MYO18B: variants seen among roughly 807,000 people sequenced by gnomAD.
MYO18B encodes myosin XVIIIB.
In MYO18B, 204 loss-of-function variants were observed where a neutral mutation model predicts 273.0. The observed-to-expected ratio is 0.75, with a 90% CI of 0.67 to 0.84. MYO18B has a LOEUF of 0.84. Among genes scored for constraint, MYO18B ranks in the 40% least tolerant of loss-of-function variants. The pLI is 0.00. For synonymous variants in MYO18B, 1,330 were observed against 1,305.7 expected (o/e 1.02, Z -0.40); for missense variants, 3,212 against 3,287.6 (o/e 0.98, Z 0.56).
intron 40 of MYO18B, among the ~76,000 whole-genome samples, chr22:26,002,175 C>G (rs1934020618): frequency 1.3e-5 from 2 of 152,162 alleles, no homozygotes; most frequent in South Asian, 2.1e-4. Flanking sequence ...AAATATTTAG[C>G]CTTTTCATGC....
chr22:25,888,418 C>T (rs1033695138), intron 25 of MYO18B, among the ~76,000 whole-genome samples: 6 of 152,078 alleles, frequency 3.9e-5, no homozygotes, highest in East Asian at 1.9e-4. Context: ...CACACCATCT[C>T]GGCTGGTTTA....
rs1254185926 is a variant in MYO18B at position 25,768,530 on chromosome 22, G to A, written c.614G>A (p.Ser205Asn). ...TSRTPCGSQA[S>N]TEILAPKAEK... ...AGGACTCCTTGTGGCTCCCAGGCCA[G>A]CACCGAGATCTTGGCCCCGAAAGCT... The change falls in exon 4 of 44, where the codon AGC becomes AAC. Residue 205 changes from serine (S) to asparagine (N), a missense_variant. Ser to Asn is a conservative substitution (Grantham distance 46). Transcript: ENST00000335473. 8.3e-6 allele frequency: 13 copies of A among 1,558,036 alleles called. No individual in the cohort carries two copies. The highest frequency in any genetic ancestry group is 1.7e-4 in the Middle Eastern group (1 of 5,772).
At chr22:26,052,324 C>T in the MYO18B span, among the ~76,000 whole-genome samples, 1 of 152,054 alleles carries the variant, frequency 6.6e-6, no homozygotes, top group African/African-American at 2.4e-5. Flanking sequence ...ATCTTCTTGT[C>T]GACTAAGAAA....
intron 42 of MYO18B, among the ~76,000 whole-genome samples, chr22:26,016,911 ATGTT>A (rs747423956): frequency 2.6e-5 from 4 of 152,142 alleles, no homozygotes; most frequent in African/African-American, 9.7e-5. Flanking sequence ...GTGAGTGAAA[ATGTT>A]TGTTTGTGTG....
chr22:25,890,910 A>G (rs1363833571), intron 26 of MYO18B, 35 bp downstream of exon 26: 2 of 1,605,148 alleles, frequency 1.2e-6, no homozygotes, highest in Non-Finnish European at 1.7e-6. Context: ...GTGGCTGAAC[A>G]CGGTGGCTAA....
chr22:25,826,650 C>T (rs868279269), intron 14 of MYO18B, among the ~76,000 whole-genome samples, 151 bp downstream of exon 14: 2 of 152,236 alleles, frequency 1.3e-5, no homozygotes, highest in Non-Finnish European at 2.9e-5. Flanking sequence ...ACCTTGGCCA[C>T]CCACTGGCTG....
intron 39 of MYO18B, among the ~76,000 whole-genome samples, chr22:25,968,714 G>A (rs1266773803): frequency 1.3e-5 from 2 of 151,996 alleles, no homozygotes; most frequent in Non-Finnish European, 2.9e-5. Flanking sequence ...AGGAAGTCTG[G>A]GTCCAAGCCA....
intron 39 of MYO18B, among the ~76,000 whole-genome samples, chr22:25,989,602 G>A (rs1351621281): frequency 3.5e-5 from 4 of 113,506 alleles, no homozygotes; most frequent in Non-Finnish European, 5.0e-5. Flanking sequence ...CTAACACGGT[G>A]AAACCCTGTC....
intron 14 of MYO18B, among the ~76,000 whole-genome samples, chr22:25,826,719 C>T (rs2089505732): frequency 2.0e-5 from 3 of 152,174 alleles, no homozygotes; most frequent in Non-Finnish European, 2.9e-5. Context: ...TACAATAGCT[C>T]TCTTCCCAAG....
intron 18 of MYO18B, 44 bp downstream of exon 18, chr22:25,843,938 C>T (rs764286880): frequency 7.2e-5 from 113 of 1,569,422 alleles, no homozygotes; most frequent in African/African-American, 9.5e-5. Context: ...GCATTGGAGG[C>T]ACTGTGTTTT....
intron 32 of MYO18B, among the ~76,000 whole-genome samples, chr22:25,910,744 C>G (rs963292480): frequency 1.3e-5 from 2 of 152,176 alleles, no homozygotes; most frequent in Non-Finnish European, 2.9e-5. Context: ...CATTGACCAG[C>G]CCTCCCTACT....
chr22:25,874,223 A>ACCC (rs781354352), intron 22 of MYO18B, 63 bp from the exon 23 acceptor site: 43,738 of 1,586,636 alleles, frequency 0.028, 483 homozygotes, highest in East Asian at 0.086. Flanking sequence ...ATTTGCAAGC[A>ACCC]CCCCCCCATT....
At chr22:26,034,255 G>A (rs17361758), downstream of MYO18B, among the ~76,000 whole-genome samples, 3,036 of 152,300 alleles carry the variant, frequency 0.02, 38 homozygotes, top group South Asian at 0.034. Flanking sequence ...AGCACCCGGC[G>A]TAGTAAGCGT....
chr22:25,983,919 T>C (rs2093174184), intron 39 of MYO18B, among the ~76,000 whole-genome samples: 1 of 152,192 alleles, frequency 6.6e-6, no homozygotes, highest in Admixed American at 6.5e-5. Context: ...TGCTAATCTC[T>C]CCTGGCTTTC....
chr22:25,793,124 C>T (rs966743061), intron 11 of MYO18B, among the ~76,000 whole-genome samples: 1 of 152,192 alleles, frequency 6.6e-6, no homozygotes, highest in Non-Finnish European at 1.5e-5. Context: ...TGGAAACCAC[C>T]GTTTATTGAG....
At chr22:26,011,587 T>C (rs933931152) in intron 42 of MYO18B, among the ~76,000 whole-genome samples, 3 of 152,210 alleles carry the variant, frequency 2.0e-5, no homozygotes, top group Admixed American at 2.0e-4. Context: ...AGGAAACTTA[T>C]TAAAGTGTTT....
intron 12 of MYO18B, 151 bp from the exon 13 acceptor site, chr22:25,823,354 G>T: frequency 1.3e-6 from 1 of 754,230 alleles, no homozygotes; most frequent in South Asian, 2.0e-5. Context: ...ATTGCCTAGG[G>T]GCCCAGGCCT....
At chr22:25,836,075 G>C (rs138737097) in intron 17 of MYO18B, among the ~76,000 whole-genome samples, 703 of 152,284 alleles carry the variant, frequency 4.6e-3, no homozygotes, top group African/African-American at 0.017. Flanking sequence ...CTCTGGAAGT[G>C]TTTAGCAGGT....
chr22:25,777,252 C>T (rs531488151), intron 7 of MYO18B, among the ~76,000 whole-genome samples: 15 of 152,326 alleles, frequency 9.8e-5, no homozygotes, highest in Admixed American at 2.6e-4. Flanking sequence ...CCAGCTGCCT[C>T]GCTTCAGGCA....
Sources: allele counts gnomAD v4.1 joint callset (sites outside exome capture counted in the v4.1 genomes callset), GRCh38; gene constraint gnomAD v4.1.1; transcripts MANE v1.5; gene names NCBI Gene and HGNC (gene_info 2026-07-23, HGNC 2026-07-21).